Variants in CSGALNACT1 observed in about 807,000 individuals in gnomAD.
CSGALNACT1 encodes chondroitin sulfate N-acetylgalactosaminyltransferase 1, also known as beta4GalNAcT-1.
CSGALNACT1 carries 52 observed loss-of-function variants against 51.0 expected under a neutral mutation model. The ratio of observed to expected loss-of-function variants is 1.02; its 90% CI spans 0.82 to 1.29. The LOEUF is 1.29. CSGALNACT1 is among the 50% of genes most tolerant of loss of function. The pLI, the probability that CSGALNACT1 is intolerant of heterozygous loss-of-function variation, is 0.00. For missense variants in CSGALNACT1, 935 were observed against 679.2 expected (o/e 1.38, Z -4.19); for synonymous variants, 341 against 254.4 (o/e 1.34, Z -3.24).
upstream of CSGALNACT1, among the ~76,000 whole-genome samples, chr8:19,606,650 A>G (rs1272277600): frequency 2.0e-5 from 3 of 152,186 alleles, no homozygotes; most frequent in Non-Finnish European, 2.9e-5. Context: ...ACTCAACGGA[A>G]ACATATCTAT....
chr8:19,549,749 T>G (rs144078513), intron 3 of CSGALNACT1, among the ~76,000 whole-genome samples: 45 of 147,970 alleles, frequency 3.0e-4, no homozygotes, highest in African/African-American at 1.0e-3. Flanking sequence ...TTTTGAGACC[T>G]TGCATTTCTG....
chr8:19,686,074 A>C (rs1379677001), upstream of CSGALNACT1, among the ~76,000 whole-genome samples: 1 of 152,218 alleles, frequency 6.6e-6, no homozygotes, highest in East Asian at 1.9e-4. Flanking sequence ...ACTACACAGC[A>C]CAGTCAAGGG....
chr8:19,520,475 C>A (rs144593660), intron 3 of CSGALNACT1, among the ~76,000 whole-genome samples: 1 of 152,202 alleles, frequency 6.6e-6, no homozygotes, highest in Non-Finnish European at 1.5e-5. Flanking sequence ...TGGCGCCTGC[C>A]GCCAATCCTA....
At chr8:19,705,981 C>G (rs2062139925) in intron 1 of CSGALNACT1, among the ~76,000 whole-genome samples, 1 of 152,144 alleles carries the variant, frequency 6.6e-6, no homozygotes, top group Non-Finnish European at 1.5e-5. Context: ...CCCCGAACCT[C>G]CCCTCCAACA....
At chr8:19,428,843 G>A (rs896146353) in intron 6 of CSGALNACT1, among the ~76,000 whole-genome samples, 122 of 135,026 alleles carry the variant, frequency 9.0e-4, no homozygotes, top group Admixed American at 3.1e-3. Context: ...GTGTGTGTGT[G>A]TGTGTGTGTG....
chr8:19,475,005 G>A (rs1263353081), intron 4 of CSGALNACT1, among the ~76,000 whole-genome samples: 1 of 152,082 alleles, frequency 6.6e-6, no homozygotes, highest in Admixed American at 6.5e-5. Flanking sequence ...ACAGAAGTGA[G>A]CAGCTATAAC....
intron 1 of CSGALNACT1, among the ~76,000 whole-genome samples, chr8:19,637,165 C>CATT (rs763992810): frequency 9.9e-5 from 15 of 152,212 alleles, no homozygotes; most frequent in East Asian, 1.9e-4. Context: ...GAGATCGCAC[C>CATT]ATTGCACTCC....
At chr8:19,586,093 T>C (rs1475516988) in intron 3 of CSGALNACT1, among the ~76,000 whole-genome samples, 1 of 152,116 alleles carries the variant, frequency 6.6e-6, no homozygotes, top group Non-Finnish European at 1.5e-5. Context: ...CTGGGTGTGG[T>C]GGTTCATGCC....
intron 1 of CSGALNACT1, among the ~76,000 whole-genome samples, chr8:19,610,932 C>T (rs1389556614): frequency 5.3e-5 from 8 of 152,366 alleles, no homozygotes; most frequent in Non-Finnish European, 1.2e-4. Context: ...GCTTCCGGAG[C>T]TGTCAACGTC....
intron 6 of CSGALNACT1, among the ~76,000 whole-genome samples, chr8:19,435,518 A>G (rs1049795125): frequency 1.3e-5 from 2 of 151,854 alleles, no homozygotes; most frequent in Admixed American, 6.6e-5. Flanking sequence ...TTCCTATTAC[A>G]TAGCTCCAAG....
intron 8 of CSGALNACT1, among the ~76,000 whole-genome samples, chr8:19,417,037 G>A (rs1471484115): frequency 2.0e-5 from 3 of 151,860 alleles, no homozygotes; most frequent in African/African-American, 7.3e-5. Flanking sequence ...TTATTTTTTA[G>A]TAGAGATGGG....
chr8:19,499,941 T>C (rs548091524), intron 4 of CSGALNACT1, among the ~76,000 whole-genome samples: 1 of 152,294 alleles, frequency 6.6e-6, no homozygotes, highest in African/African-American at 2.4e-5. Context: ...TTTCTCACCA[T>C]CACCACAAGG....
intron 4 of CSGALNACT1, among the ~76,000 whole-genome samples, chr8:19,480,356 C>T (rs1429240882): frequency 1.3e-5 from 2 of 152,186 alleles, no homozygotes; most frequent in Non-Finnish European, 2.9e-5. Flanking sequence ...TTGGTGAGAA[C>T]ACGCAGTATT....
chr8:19,638,426 C>T (rs2056365157), intron 1 of CSGALNACT1, among the ~76,000 whole-genome samples: 1 of 152,140 alleles, frequency 6.6e-6, no homozygotes, highest in Non-Finnish European at 1.5e-5. Context: ...ACCTCGCCTT[C>T]TTTTTCCTGC....
chr8:19,510,461 A>G lies in CSGALNACT1; in HGVS notation c.-296-4331T>C, dbSNP rs17128535. On this transcript the variant is annotated intron_variant, in intron 3 of 9. Transcript: ENST00000454498. ...TCTAGGATTCTGTCTTTATTCATCCATACAACAAATAGGCACTAAGCACTT... is the reference window on the plus strand; with the variant it reads ...TCTAGGATTCTGTCTTTATTCATCCGTACAACAAATAGGCACTAAGCACTT... 7.5e-3 allele frequency among the ~76,000 whole-genome samples: 1,138 copies of G among 152,294 alleles called. 14 individuals are homozygous for G. The highest frequency in any genetic ancestry group is 0.026 in the African/African-American group (1,076 of 41,568).
intron 4 of CSGALNACT1, among the ~76,000 whole-genome samples, chr8:19,459,204 G>A (rs980360574): frequency 6.6e-6 from 1 of 151,870 alleles, no homozygotes; most frequent in Non-Finnish European, 1.5e-5. Context: ...TGGTCACTAT[G>A]GTGAAACCCC....
At chr8:19,467,564 C>T (rs557216240) in intron 4 of CSGALNACT1, among the ~76,000 whole-genome samples, 2 of 151,958 alleles carry the variant, frequency 1.3e-5, no homozygotes, top group East Asian at 1.9e-4. Context: ...GAAGTAGAAG[C>T]CTGGGTTCCT....
Position 19,633,933 on chromosome 8 carries a change from G to A in CSGALNACT1, c.-543-32068C>T, listed in dbSNP as rs10112284. 5.4e-3 allele frequency among the ~76,000 whole-genome samples: 818 copies of A among 152,126 alleles called. 9 individuals carry two copies. Among genetic ancestry groups the A allele is most frequent in the African/African-American group, 0.019 (771 of 41,486 alleles). ...CTTGCTGCACTAACCTCCTCCCCAGGGACCAGACTTCTTTCCCAACCGAGG... is the reference window on the plus strand; with the variant it reads ...CTTGCTGCACTAACCTCCTCCCCAGAGACCAGACTTCTTTCCCAACCGAGG... On this transcript the variant is annotated intron_variant, in intron 1 of 9. Transcript: ENST00000332246.
Position 19,582,935 on chromosome 8 carries a change from T to C in CSGALNACT1, c.-297+8225A>G, listed in dbSNP as rs138577371. On this transcript the variant is annotated intron_variant, in intron 3 of 9. Transcript: ENST00000454498. ...ACAGCCATTTCAACAAGTCCCATTTTGAAGTACCTCAAATAATTTCTTAGC... is the reference window on the plus strand; with the variant it reads ...ACAGCCATTTCAACAAGTCCCATTTCGAAGTACCTCAAATAATTTCTTAGC... 1.9e-3 allele frequency among the ~76,000 whole-genome samples: 283 copies of C among 152,314 alleles called. 1 individual carries two copies. The highest frequency in any genetic ancestry group is 6.3e-3 in the African/African-American group (262 of 41,574).
Sources: allele counts gnomAD v4.1 joint callset (sites outside exome capture counted in the v4.1 genomes callset), GRCh38; gene constraint gnomAD v4.1.1; transcripts MANE v1.5; gene names NCBI Gene and HGNC (gene_info 2026-07-23, HGNC 2026-07-21).